RPH3AL: variants seen among roughly 807,000 people sequenced by gnomAD.
RPH3AL encodes rabphilin 3A like (without C2 domains), also known as rab effector Noc2.
Under a neutral mutation model 43.1 loss-of-function variants are expected in RPH3AL, and 38 were observed. The ratio of observed to expected loss-of-function variants is 0.88; its 90% CI spans 0.68 to 1.15. The LOEUF is 1.15. Among genes scored for constraint, RPH3AL ranks in the 50% most tolerant of loss-of-function variants. The pLI is 0.00. For missense variants in RPH3AL, 462 were observed against 423.2 expected (o/e 1.09, Z -0.81); for synonymous variants, 189 against 176.3 (o/e 1.07, Z -0.57).
At chr17:237,866 G>A (rs547124007) in intron 7 of RPH3AL, among the ~76,000 whole-genome samples, 1 of 152,238 alleles carries the variant, frequency 6.6e-6, no homozygotes, top group East Asian at 1.9e-4. Context: ...TGACACAGCA[G>A]GCCGGGTGCG....
chr17:345,040 G>A lies in RPH3AL; in HGVS notation c.-213+7672C>T, dbSNP rs750982348. Among the ~76,000 whole-genome samples, 10 of 135,510 alleles carry A rather than the reference G, an allele frequency of 7.4e-5. 1 individual carries two copies. Among genetic ancestry groups the A allele is most frequent in the Admixed American group, 1.4e-4 (2 of 14,064 alleles). The allele number at this position is 135,510 out of a possible 152,430, so 88.9% of individuals were successfully genotyped here. Reference sequence around the variant, plus strand: ...TCCCAGCATTTTGGGAGGCCAAGGCGGGAGGATCGATTGAGCCCAGGAGTT... The same window carrying A: ...TCCCAGCATTTTGGGAGGCCAAGGCAGGAGGATCGATTGAGCCCAGGAGTT... On this transcript the variant is annotated intron_variant, in intron 1 of 9. Transcript: ENST00000331302.
chr17:296,714 G>T (rs1000893397), intron 5 of RPH3AL, among the ~76,000 whole-genome samples: 1 of 152,210 alleles, frequency 6.6e-6, no homozygotes, highest in African/African-American at 2.4e-5. Context: ...TCAACGTCAC[G>T]CCCGCTTTTT....
intron 5 of RPH3AL, among the ~76,000 whole-genome samples, chr17:310,335 A>G (rs1409235069): frequency 6.6e-6 from 1 of 152,112 alleles, no homozygotes; most frequent in African/African-American, 2.4e-5. Context: ...GCTTCCACCC[A>G]CAAGCTCATT....
intron 6 of RPH3AL, among the ~76,000 whole-genome samples, chr17:269,724 C>A (rs2042416966): frequency 6.6e-6 from 1 of 152,250 alleles, no homozygotes; most frequent in South Asian, 2.1e-4. Context: ...CTCACATCTG[C>A]TATGAACGAT....
chr17:241,011 T>G (rs1369009290), intron 7 of RPH3AL, among the ~76,000 whole-genome samples: 1 of 151,636 alleles, frequency 6.6e-6, no homozygotes, highest in South Asian at 2.1e-4. Flanking sequence ...GAGCCGAGAT[T>G]GTGCCACTGC....
chr17:292,590 G>A (rs57803378), intron 5 of RPH3AL, among the ~76,000 whole-genome samples: 17,390 of 152,058 alleles, frequency 0.11, 1,105 homozygotes, highest in Middle Eastern at 0.18. Context: ...TCTGAGCCTC[G>A]GTCCCGGGCT....
chr17:252,953 T>A (rs989629061), intron 6 of RPH3AL, among the ~76,000 whole-genome samples: 3 of 152,004 alleles, frequency 2.0e-5, no homozygotes, highest in African/African-American at 7.3e-5. Flanking sequence ...TCGAGAACTG[T>A]GTGTTTGGAT....
At chr17:279,227 C>T (rs1421959787) in intron 6 of RPH3AL, among the ~76,000 whole-genome samples, 4 of 152,138 alleles carry the variant, frequency 2.6e-5, no homozygotes, top group African/African-American at 9.7e-5. Flanking sequence ...AGCCTTCCCA[C>T]ACCCCACAAG....
At chr17:222,499 C>T (rs1237760366) in intron 7 of RPH3AL, among the ~76,000 whole-genome samples, 1 of 152,204 alleles carries the variant, frequency 6.6e-6, no homozygotes, top group Non-Finnish European at 1.5e-5. Context: ...TCACAGTGAA[C>T]ATGCACTGTG....
chr17:343,592 C>T (rs964323235), intron 1 of RPH3AL, among the ~76,000 whole-genome samples: 19 of 152,230 alleles, frequency 1.2e-4, no homozygotes, highest in African/African-American at 4.1e-4. Flanking sequence ...GGTGCATCAT[C>T]TATAAATGAG....
intron 6 of RPH3AL, among the ~76,000 whole-genome samples, chr17:273,349 G>T (rs1420313933): frequency 4.6e-5 from 4 of 86,604 alleles, no homozygotes; most frequent in Admixed American, 1.2e-4. Flanking sequence ...CAGCGAGGGT[G>T]ACGTCAGGGA....
intron 5 of RPH3AL, among the ~76,000 whole-genome samples, chr17:282,421 C>T (rs982178390): frequency 5.3e-5 from 8 of 152,146 alleles, no homozygotes; most frequent in African/African-American, 1.9e-4. Context: ...AGGATATGCT[C>T]AGGTTCACAT....
intron 5 of RPH3AL, among the ~76,000 whole-genome samples, chr17:309,832 C>T (rs906148278): frequency 1.3e-5 from 2 of 152,148 alleles, no homozygotes; most frequent in African/African-American, 4.8e-5. Flanking sequence ...GCAAAGTGGG[C>T]TCAAGCCAGG....
chr17:333,355 C>A lies in RPH3AL; in HGVS notation c.-37+404G>T. On this transcript the variant is annotated intron_variant, in intron 2 of 9. Transcript: ENST00000331302. The surrounding 1 kb of genome is among the most constrained non-coding windows in gnomAD (Gnocchi z 4.5). ...CTTAAATTCTCACATCAGCCACCCC[C>A]ATGGCGACTCTTAACACCTTAATGT... The A allele has an allele frequency of 8.3e-7, 1 of 1,204,794 alleles. No individual in the cohort carries two copies. Among genetic ancestry groups the A allele is most frequent in the Non-Finnish European group, 1.1e-6 (1 of 915,154 alleles). 74.6% of individuals were successfully genotyped at this position (1,204,794 alleles called of 1,614,324 possible).
intron 6 of RPH3AL, among the ~76,000 whole-genome samples, chr17:248,413 C>T (rs1391105877): frequency 6.6e-6 from 1 of 152,168 alleles, no homozygotes; most frequent in Non-Finnish European, 1.5e-5. Context: ...ATGTAGTCCC[C>T]CAGGGACTCT....
chr17:236,442 A>G (rs1355738616), intron 7 of RPH3AL, among the ~76,000 whole-genome samples: 2 of 151,996 alleles, frequency 1.3e-5, no homozygotes, highest in African/African-American at 2.4e-5. Flanking sequence ...ATGTTTGACT[A>G]TCGGACACTG....
chr17:251,388 TTA>T (rs2041898793), intron 6 of RPH3AL, among the ~76,000 whole-genome samples: 1 of 152,166 alleles, frequency 6.6e-6, no homozygotes, highest in Non-Finnish European at 1.5e-5. Context: ...AAGAAGCTTA[TTA>T]TCTCCACTTT....
At chr17:261,710 TTAAACTCATAA>T (rs1343463068) in intron 6 of RPH3AL, 1 of 152,202 alleles carries the variant, frequency 6.6e-6, no homozygotes, top group African/African-American at 2.4e-5. Flanking sequence ...ACAGATGTTT[TTAAACTCATAA>T]GGACGCTGAG....
intron 7 of RPH3AL, among the ~76,000 whole-genome samples, chr17:235,096 G>A (rs1300164117): frequency 1.3e-5 from 2 of 152,126 alleles, no homozygotes; most frequent in African/African-American, 4.8e-5. Flanking sequence ...TAACAAGACG[G>A]GTCCCGGGTT....
Sources: gnomAD v4.1 joint callset for allele counts (sites outside exome capture counted in the v4.1 genomes callset) on GRCh38, gnomAD v4.1.1 for gene constraint, Gnocchi (gnomAD v3.1) non-coding constraint, MANE v1.5 for transcripts, NCBI Gene and HGNC (gene_info 2026-07-23, HGNC 2026-07-21) for gene names.